The following AMBRA1 variants were observed in gnomAD, a reference collection of about 807,000 sequenced individuals.
The protein encoded by AMBRA1 is activating molecule in BECN1-regulated autophagy protein 1.
A neutral mutation model predicts 125.4 loss-of-function variants in AMBRA1; 47 were observed. That is an observed-to-expected ratio of 0.37 (90% CI 0.30 to 0.48). The LOEUF is 0.48. AMBRA1 is among the 20% of genes least tolerant of loss of function. The pLI is 0.99. For missense variants in AMBRA1, 1,331 were observed against 1,693.4 expected (o/e 0.79, Z 3.76); for synonymous variants, 626 against 655.5 (o/e 0.95, Z 0.69).
At chr11:46,485,157 C>T (rs1365976883) in intron 11 of AMBRA1, among the ~76,000 whole-genome samples, 1 of 152,090 alleles carries the variant, frequency 6.6e-6, no homozygotes, top group African/African-American at 2.4e-5. Flanking sequence ...AGGCTGGTCT[C>T]GAACTCCTGA....
Position 46,545,785 on chromosome 11 carries a change from G to A in AMBRA1, c.379-9C>T, listed in dbSNP as rs148939005. ...CAGCTTTCACTGCCACCCTGTGAATGAACCAATTCCAGATATTCTCAGGTT... is the reference window on the plus strand; with the variant it reads ...CAGCTTTCACTGCCACCCTGTGAATAAACCAATTCCAGATATTCTCAGGTT... On this transcript the variant is annotated splice_polypyrimidine_tract_variant and intron_variant, in intron 4 of 17. Transcript: ENST00000683756. 466 of 1,612,960 alleles carry A rather than the reference G, an allele frequency of 2.9e-4. 3 individuals carry two copies. In the African/African-American group the frequency reaches 5.2e-3, roughly 18 times the overall value.
At chr11:46,399,945 G>A (rs2136577016) in intron 17 of AMBRA1, among the ~76,000 whole-genome samples, 1 of 152,234 alleles carries the variant, frequency 6.6e-6, no homozygotes, top group South Asian at 2.1e-4. Context: ...CTTGCTTGCT[G>A]GGTGACCTTG....
At chr11:46,590,172 A>C (rs1487809507) in intron 1 of AMBRA1, among the ~76,000 whole-genome samples, 1 of 151,630 alleles carries the variant, frequency 6.6e-6, no homozygotes, top group Non-Finnish European at 1.5e-5. Flanking sequence ...GGAGATAGAG[A>C]CCATCCTGGC....
chr11:46,488,387 CG>C (rs1303032161), intron 11 of AMBRA1, among the ~76,000 whole-genome samples: 1 of 151,534 alleles, frequency 6.6e-6, no homozygotes, highest in Non-Finnish European at 1.5e-5. Flanking sequence ...ACCCAAGAGG[CG>C]GAAGTTGCAG....
At chr11:46,557,110 T>G (rs1167960869) in intron 1 of AMBRA1, among the ~76,000 whole-genome samples, 2 of 149,584 alleles carry the variant, frequency 1.3e-5, no homozygotes, top group Non-Finnish European at 3.0e-5. Context: ...TACTCCAGCC[T>G]GGGCAACAAG....
At chr11:46,536,161 C>T (rs139829780) in intron 7 of AMBRA1, among the ~76,000 whole-genome samples, 89 of 152,302 alleles carry the variant, frequency 5.8e-4, no homozygotes, top group Middle Eastern at 3.4e-3. Flanking sequence ...CCATAAGGAA[C>T]ATAATTTCAA....
At chr11:46,554,412 A>G (rs1308600789) in intron 1 of AMBRA1, among the ~76,000 whole-genome samples, 5 of 152,156 alleles carry the variant, frequency 3.3e-5, no homozygotes, top group Non-Finnish European at 4.4e-5. Context: ...GGGAAAGAGT[A>G]GCTACAAATA....
chr11:46,508,788 C>T (rs1459374918), intron 8 of AMBRA1, among the ~76,000 whole-genome samples: 2 of 152,192 alleles, frequency 1.3e-5, no homozygotes, highest in Non-Finnish European at 2.9e-5. Flanking sequence ...AATTATCTAC[C>T]ATCATGTTTT....
intron 9 of AMBRA1, 77 bp downstream of exon 9, chr11:46,508,114 A>G: frequency 6.9e-7 from 1 of 1,451,676 alleles, no homozygotes; most frequent in Non-Finnish European, 9.6e-7. Context: ...CCACCATTGT[A>G]GCTCCAACAG....
intron 12 of AMBRA1, among the ~76,000 whole-genome samples, chr11:46,441,060 C>A (rs73466069): frequency 0.013 from 1,940 of 152,116 alleles, 50 homozygotes; most frequent in African/African-American, 0.045. Context: ...AACAATCTGA[C>A]AGAAGACAGA....
At chr11:46,472,801 T>C (rs1311369732) in intron 11 of AMBRA1, among the ~76,000 whole-genome samples, 1 of 152,206 alleles carries the variant, frequency 6.6e-6, no homozygotes, top group Non-Finnish European at 1.5e-5. Flanking sequence ...CGGAACTATG[T>C]CACTGAGTCA....
chr11:46,404,345 T>A (rs1945902020), intron 17 of AMBRA1, among the ~76,000 whole-genome samples: 1 of 152,222 alleles, frequency 6.6e-6, no homozygotes, highest in Non-Finnish European at 1.5e-5. Context: ...ATACAAAACC[T>A]GCCAGCTGCC....
At chr11:46,400,178 G>C (rs567674579) in intron 17 of AMBRA1, among the ~76,000 whole-genome samples, 1 of 152,186 alleles carries the variant, frequency 6.6e-6, no homozygotes, top group Non-Finnish European at 1.5e-5. Context: ...CTGAGGCTGC[G>C]AGGGATGGCT....
At chr11:46,582,526 C>T (rs1373200719) in intron 1 of AMBRA1, among the ~76,000 whole-genome samples, 2 of 152,172 alleles carry the variant, frequency 1.3e-5, no homozygotes, top group Non-Finnish European at 2.9e-5. Context: ...CCACTCTAGT[C>T]TCACTATATT....
At chr11:46,583,003 A>T (rs1235383968) in intron 1 of AMBRA1, among the ~76,000 whole-genome samples, 1 of 152,134 alleles carries the variant, frequency 6.6e-6, no homozygotes, top group Non-Finnish European at 1.5e-5. Flanking sequence ...GAAGGAATAC[A>T]CATGCAACAA....
Position 46,545,474 on chromosome 11 carries a change from G to A in AMBRA1, c.551+130C>T, listed in dbSNP as rs1295415863. 3 of 1,082,138 alleles carry A rather than the reference G, an allele frequency of 2.8e-6. No homozygotes were observed. The Admixed American group carries it at 8.1e-5, about 29-fold the overall frequency. 67.0% of individuals were successfully genotyped at this position (1,082,138 alleles called of 1,614,324 possible). A position where few individuals can be genotyped will look rare whatever the true frequency, so the allele number is the denominator to read the frequency against. ...GACACCCTGTCTCAAAAAAAAAATA[G>A]GAGGAGCTATGAGGATGACAACTTG... On this transcript the variant is annotated intron_variant, in intron 5 of 17. Coordinates refer to ENST00000683756, the MANE Select transcript of AMBRA1 (RefSeq NM_001387011.1).
chr11:46,428,585 TCTTCTTC>T, intron 14 of AMBRA1: 1 of 1,221,942 alleles, frequency 8.2e-7, no homozygotes. Context: ...TTCTTCTTCT[TCTTCTTC>T]TTTTTTTTTT....
chr11:46,568,145 C>T (rs1206917622), intron 1 of AMBRA1, among the ~76,000 whole-genome samples: 6 of 150,398 alleles, frequency 4.0e-5, no homozygotes, highest in Non-Finnish European at 7.4e-5. Context: ...GAGACTCTGT[C>T]TTAAAAAAAT....
chr11:46,572,196 G>T (rs2043790365), intron 1 of AMBRA1, among the ~76,000 whole-genome samples: 1 of 152,102 alleles, frequency 6.6e-6, no homozygotes, highest in African/African-American at 2.4e-5. Flanking sequence ...AGCTACTCGG[G>T]AGGCTAAGGC....
Sources: allele counts gnomAD v4.1 joint callset (sites outside exome capture counted in the v4.1 genomes callset), GRCh38; gene constraint gnomAD v4.1.1; transcripts MANE v1.5; gene names NCBI Gene and HGNC (gene_info 2026-07-23, HGNC 2026-07-21).